GRIN2C: variants seen among roughly 807,000 people sequenced by gnomAD.
The protein encoded by GRIN2C is glutamate receptor ionotropic, NMDA 2C.
GRIN2C carries 64 observed loss-of-function variants against 77.7 expected under a neutral mutation model. The observed-to-expected ratio is 0.82, with a 90% CI of 0.67 to 1.01. The LOEUF (loss-of-function observed/expected upper bound fraction) is 1.01. Ranked by LOEUF, GRIN2C falls within the 50% of genes least tolerant of loss-of-function variation. The probability of loss-of-function intolerance (pLI) is 0.00; values close to 1 mark genes in which losing one functional copy is unlikely to be tolerated. For missense variants in GRIN2C, 1,549 were observed against 1,486.0 expected (o/e 1.04, Z -0.70); for synonymous variants, 792 against 643.4 (o/e 1.23, Z -3.49).
In GRIN2C at chr17:74,847,467, T is replaced by C. The variant is rs2037497181; in HGVS notation, c.1842A>G (p.Ser614=). ...WLLWALVFNN[S]VPIENPRGTT... ...TGCCCCGCGGGTTCTCGATGGGCACTGAGTTGTTGAAGACCAGCGCCCACA... is the reference window on the plus strand; with the variant it reads ...TGCCCCGCGGGTTCTCGATGGGCACCGAGTTGTTGAAGACCAGCGCCCACA... Residue 614 remains serine (S), a synonymous_variant, in exon 9 of 13, where the codon TCA becomes TCG. Transcript: ENST00000293190. This position sits in a 1 kb window ranked among gnomAD's most constrained non-coding sequence, Gnocchi z 5.2. 1.5e-5 allele frequency: 24 copies of C among 1,613,992 alleles called. No individual in the cohort carries two copies. The highest frequency in any genetic ancestry group is 2.0e-5 in the Non-Finnish European group (24 of 1,179,964).
At position 74,847,529 on chromosome 17, in the gene GRIN2C, C is replaced by A; in HGVS notation, c.1780G>T (p.Gly594Cys). The A allele has an allele frequency of 6.2e-7, 1 of 1,612,046 alleles. No homozygotes were observed. The highest frequency in any genetic ancestry group is 1.3e-5 in the African/African-American group (1 of 74,978). The change falls in exon 9 of 13, where the codon GGC becomes TGC. Residue 594 changes from glycine (G) to cysteine (C), a missense_variant. Physicochemically the swap from Gly to Cys is radical, Grantham distance 159. This residue lies in a region of GRIN2C where 717 missense variants were observed against 858.1 expected (regional missense o/e 0.84). Coordinates refer to ENST00000293190, the MANE Select transcript of GRIN2C (RefSeq NM_000835.6). This position sits in a 1 kb window ranked among gnomAD's most constrained non-coding sequence, Gnocchi z 5.2. ...GACTTGCCGATAGTGAAAGCTGGGCCCCCGGACTCTGGGGGCAAGAGGCGG... is the reference window on the plus strand; with the variant it reads ...GACTTGCCGATAGTGAAAGCTGGGCACCCGGACTCTGGGGGCAAGAGGCGG... ...QNLTRGKKSG[G>C]PAFTIGKSVW...
In GRIN2C at chr17:74,851,810, C is replaced by T. The variant is rs185690859; in HGVS notation, c.999-119G>A. ...TGTGTTTATTGTTCAAAGTGCTTCCCTATATTGGCCCCACGATCCTTGCCA... is the reference window on the plus strand; with the variant it reads ...TGTGTTTATTGTTCAAAGTGCTTCCTTATATTGGCCCCACGATCCTTGCCA... On this transcript the variant is annotated intron_variant, in intron 3 of 12. Transcript: ENST00000293190. 5.7e-4 allele frequency: 416 copies of T among 726,740 alleles called. No individual in the cohort carries two copies. In the Middle Eastern group the frequency reaches 8.2e-3, roughly 14 times the overall value. 45.0% of individuals were successfully genotyped at this position (726,740 alleles called of 1,614,324 possible).
chr17:74,850,545 C>T lies in GRIN2C; in HGVS notation c.1325+11G>A, dbSNP rs1295855104. The T allele has an allele frequency of 6.2e-7, 1 of 1,612,546 alleles. No homozygotes were observed. Among genetic ancestry groups the T allele is most frequent in the Non-Finnish European group, 8.5e-7 (1 of 1,179,132 alleles). On this transcript the variant is annotated intron_variant, in intron 5 of 12. Transcript: ENST00000293190. The surrounding 1 kb of genome is among the most constrained non-coding windows in gnomAD (Gnocchi z 5.3). ...CCAGCTCACACTAGCCTCCCAGGGCCCTCCACAGACCTGAAGGTGTGGTTG... is the reference window on the plus strand; with the variant it reads ...CCAGCTCACACTAGCCTCCCAGGGCTCTCCACAGACCTGAAGGTGTGGTTG...
At position 74,854,953 on chromosome 17, in the gene GRIN2C, C is replaced by G. The variant is rs142837005; in HGVS notation, c.140G>C (p.Arg47Pro). The G allele has an allele frequency of 6.2e-7, 1 of 1,612,782 alleles. No individual in the cohort carries two copies. Among genetic ancestry groups the G allele is most frequent in the Non-Finnish European group, 8.5e-7 (1 of 1,179,942 alleles). Residue 47 changes from arginine (R) to proline (P), a missense_variant, in exon 2 of 13, where the codon CGT becomes CCT. This residue lies in a region of GRIN2C where 382 missense variants were observed against 360.0 expected (regional missense o/e 1.06). Transcript: ENST00000293190. Reference sequence around the variant, plus strand: ...GAAGCTCTGGGGGGTGAGGCGGGCACGGAACTGGGCCTGGGGCGGCCCTGA... The same window carrying G: ...GAAGCTCTGGGGGGTGAGGCGGGCAGGGAACTGGGCCTGGGGCGGCCCTGA... Reference protein sequence around the residue: ...SSSGPPQAQFRARLTPQSFLD... With the variant: ...SSSGPPQAQFPARLTPQSFLD...
At position 74,850,194 on chromosome 17, in the gene GRIN2C, G is replaced by A. The variant is rs1006569784; in HGVS notation, c.1491+12C>T. 4.3e-6 allele frequency: 7 copies of A among 1,612,252 alleles called. No homozygotes were observed. The Admixed American group carries it at 6.7e-5, about 15-fold the overall frequency. On this transcript the variant is annotated intron_variant, in intron 6 of 12. Transcript: ENST00000293190. This position sits in a 1 kb window ranked among gnomAD's most constrained non-coding sequence, Gnocchi z 5.3. The stretch of plus-strand genomic sequence containing the variant: ...GGCAGGGCAGGTGAGGAGGGAGTGG[G>A]GTGGGGCCTACCTCCCCAATCATGC...
chr17:74,842,985 T>C lies in GRIN2C; in HGVS notation c.3152A>G (p.Asp1051Gly), dbSNP rs771543925. The C allele has an allele frequency of 2.3e-6, 1 of 437,782 alleles. No homozygotes were observed. Among genetic ancestry groups the C allele is most frequent in the Non-Finnish European group, 3.9e-6 (1 of 257,998 alleles). The allele number at this position is 437,782 out of a possible 1,614,324, so 27.1% of individuals were successfully genotyped here. A position where few individuals can be genotyped will look rare whatever the true frequency, so the allele number is the denominator to read the frequency against. The part of the protein sequence containing the change: ...PFLPLFPELE[D>G]LPLLGPEQLA... ...CTGCTCCGGACCGAGCAGCGGCAGGTCCTCCAGCTCCGGGAAGAGCGGGAG... is the reference window on the plus strand; with the variant it reads ...CTGCTCCGGACCGAGCAGCGGCAGGCCCTCCAGCTCCGGGAAGAGCGGGAG... The change falls in exon 13 of 13, where the codon GAC (aspartate) becomes GGC (glycine). Residue 1051 changes from aspartate to glycine, a missense_variant. Coordinates refer to ENST00000293190, the MANE Select transcript of GRIN2C (RefSeq NM_000835.6).
intron 1 of GRIN2C, among the ~76,000 whole-genome samples, chr17:74,858,773 T>C (rs2144626123): frequency 6.6e-6 from 1 of 151,794 alleles, no homozygotes; most frequent in East Asian, 1.9e-4. Flanking sequence ...CAACCAACCG[T>C]CCTCCCATCC....
intron 1 of GRIN2C, among the ~76,000 whole-genome samples, chr17:74,858,180 C>A (rs1220732336): frequency 6.6e-6 from 1 of 152,136 alleles, no homozygotes; most frequent in Non-Finnish European, 1.5e-5. Context: ...CCTCCCCAGT[C>A]AAGACCTTTT....
intron 1 of GRIN2C, among the ~76,000 whole-genome samples, chr17:74,855,512 C>A (rs1372380384): frequency 6.6e-6 from 1 of 152,194 alleles, no homozygotes; most frequent in African/African-American, 2.4e-5. Context: ...CACTAACTGG[C>A]TGTGTGATCT....
In GRIN2C at chr17:74,844,183, T is replaced by A; in HGVS notation, c.2583+93A>T. The A allele has an allele frequency of 3.2e-6, 5 of 1,554,120 alleles. No individual in the cohort carries two copies. The South Asian group carries it at 6.1e-5, about 19-fold the overall frequency. On this transcript the variant is annotated intron_variant, in intron 12 of 12. Transcript: ENST00000293190. ...GCCATGAGCCGGGCCAGAACCTTGGTTTTACCTCTGGAAATGGGCCATGGC... is the reference window on the plus strand; with the variant it reads ...GCCATGAGCCGGGCCAGAACCTTGGATTTACCTCTGGAAATGGGCCATGGC...
chr17:74,843,117 C>T lies in GRIN2C; in HGVS notation c.3020G>A (p.Arg1007Gln), dbSNP rs529868270. 2.1e-5 allele frequency: 9 copies of T among 428,338 alleles called. No homozygotes were observed. The South Asian group carries it at 4.3e-4, about 20-fold the overall frequency. 26.5% of individuals were successfully genotyped at this position (428,338 alleles called of 1,614,324 possible). A position where few individuals can be genotyped will look rare whatever the true frequency, so the allele number is the denominator to read the frequency against. The change falls in exon 13 of 13, where the codon CGG becomes CAG. Residue 1007 changes from arginine (R) to glutamine (Q), a missense_variant. Physicochemically the swap from Arg to Gln is conservative, Grantham distance 43. Coordinates refer to ENST00000293190, the MANE Select transcript of GRIN2C (RefSeq NM_000835.6). ...GAGGTGCCTCCCGCAGTGCCCGGTC[C>T]GCACCGGCCACCGCGCCTCCCAGGC... The part of the protein sequence containing the change: ...RPAWEARWPV[R>Q]TGHCGRHLSA...
chr17:74,858,762 G>A lies in GRIN2C; in HGVS notation c.-16+982C>T, dbSNP rs144074994. Reference sequence around the variant, plus strand: ...AGACAGAGCCCTCTGCACCCTGACCGCAACCAACCGTCCTCCCATCCCTGG... The same window carrying A: ...AGACAGAGCCCTCTGCACCCTGACCACAACCAACCGTCCTCCCATCCCTGG... On this transcript the variant is annotated intron_variant, in intron 1 of 12. Transcript: ENST00000293190. Among the ~76,000 whole-genome samples, 758 of 151,912 alleles carry A rather than the reference G, an allele frequency of 5.0e-3. 10 individuals are homozygous for A. The highest frequency in any genetic ancestry group is 0.017 in the African/African-American group (709 of 41,382).
intron 11 of GRIN2C, among the ~76,000 whole-genome samples, chr17:74,845,169 A>G (rs978117638): frequency 2.6e-5 from 4 of 152,160 alleles, no homozygotes; most frequent in Admixed American, 2.6e-4. Flanking sequence ...GACTTAAGCA[A>G]TCCTCACACC....
Position 74,847,983 on chromosome 17 carries a change from G to C in GRIN2C, c.1646-6C>G, listed in dbSNP as rs1286352419. 2 of 1,613,932 alleles carry C rather than the reference G, an allele frequency of 1.2e-6. No homozygotes were observed. The highest frequency in any genetic ancestry group is 1.3e-5 in the African/African-American group (1 of 74,932). ...CACTGCAGGGCTATATGGCTCTGGG[G>C]ACAGAGGGAGGCAGCTCAGAGGCCT... On this transcript the variant is annotated splice_polypyrimidine_tract_variant and splice_region_variant and intron_variant, in intron 7 of 12. Transcript: ENST00000293190. The surrounding 1 kb of genome is among the most constrained non-coding windows in gnomAD (Gnocchi z 5.2).
chr17:74,851,628 G>A lies in GRIN2C; in HGVS notation c.1062C>T (p.Val354=), dbSNP rs941605879. ...DFSFSPGGYL[V]QPTMVVIALN... ...GGGCGATCACCACCATGGTGGGCTG[G>A]ACCAGGTACCCACCAGGGCTGAAGG... The change falls in exon 4 of 13, where the codon GTC becomes GTT. Residue 354 remains valine, a synonymous_variant. Coordinates refer to ENST00000293190, the MANE Select transcript of GRIN2C (RefSeq NM_000835.6). 11 of 1,572,218 alleles carry A rather than the reference G, an allele frequency of 7.0e-6. No homozygotes were observed. In the African/African-American group the frequency reaches 1.2e-4, roughly 17 times the overall value.
At chr17:74,851,765 C>CTGCT in intron 3 of GRIN2C, 74 bp from the exon 4 acceptor site, 3 of 907,022 alleles carry the variant, frequency 3.3e-6, no homozygotes, top group Non-Finnish European at 5.3e-6. Flanking sequence ...CCGCCGCCAC[C>CTGCT]GACAGCAGGT....
chr17:74,857,750 T>C (rs2037854546), intron 1 of GRIN2C, among the ~76,000 whole-genome samples: 1 of 152,184 alleles, frequency 6.6e-6, no homozygotes, highest in Non-Finnish European at 1.5e-5. Context: ...CCGCCAGTCA[T>C]ACACGACTAT....
Position 74,850,216 on chromosome 17 carries a change from A to T in GRIN2C, c.1481T>A (p.Met494Lys). The change falls in exon 6 of 13, where the codon ATG becomes AAG. Residue 494 changes from methionine (M) to lysine (K), a missense_variant. This residue lies in a region of GRIN2C where 717 missense variants were observed against 858.1 expected (regional missense o/e 0.84). Coordinates refer to ENST00000293190, the MANE Select transcript of GRIN2C (RefSeq NM_000835.6). This position sits in a 1 kb window ranked among gnomAD's most constrained non-coding sequence, Gnocchi z 5.3. ...TGGGGTGGGGCCTACCTCCCCAATC[A>T]TGCCGTTCCATACGCCGCGCACCCG... Reference protein sequence around the residue: ...GKRVRGVWNGMIGEVYYKRAD... With the variant: ...GKRVRGVWNGKIGEVYYKRAD... 6.2e-7 allele frequency: 1 copy of T among 1,613,374 alleles called. No homozygotes were observed. Among genetic ancestry groups the T allele is most frequent in the Non-Finnish European group, 8.5e-7 (1 of 1,179,908 alleles).
intron 3 of GRIN2C, 89 bp downstream of exon 3, chr17:74,851,924 G>A (rs1281244774): frequency 1.3e-5 from 13 of 989,492 alleles, no homozygotes. Flanking sequence ...CTAGTGGGAG[G>A]TGTGGCTGGC....
Sources: gnomAD v4.1 joint callset for allele counts (sites outside exome capture counted in the v4.1 genomes callset) on GRCh38, gnomAD v4.1.1 for gene constraint, gnomAD v4.1.1 regional missense constraint, Gnocchi (gnomAD v3.1) non-coding constraint, MANE v1.5 for transcripts, NCBI Gene and HGNC (gene_info 2026-07-23, HGNC 2026-07-21) for gene names.